The following HS2ST1 variants were observed in gnomAD, a reference collection of about 807,000 sequenced individuals.
HS2ST1 encodes the protein heparan sulfate 2-O-sulfotransferase 1.
Under a neutral mutation model 42.9 loss-of-function variants are expected in HS2ST1, and 18 were observed. The ratio of observed to expected loss-of-function variants is 0.42; its 90% CI spans 0.29 to 0.62. HS2ST1 has a LOEUF of 0.62. Ranked by LOEUF, HS2ST1 falls within the 20% of genes least tolerant of loss-of-function variation. The pLI, the probability that HS2ST1 is intolerant of heterozygous loss-of-function variation, is 0.21. For synonymous variants in HS2ST1, 146 were observed against 152.9 expected (o/e 0.95, Z 0.33); for missense variants, 334 against 433.8 (o/e 0.77, Z 2.04).
chr1:87,000,691 C>T (rs892476585), intron 1 of HS2ST1, among the ~76,000 whole-genome samples: 3 of 152,174 alleles, frequency 2.0e-5, no homozygotes, highest in African/African-American at 4.8e-5. Context: ...CAGTTTCACT[C>T]TATGCATGTT....
intron 1 of HS2ST1, among the ~76,000 whole-genome samples, chr1:86,994,502 T>C (rs1649042983): frequency 6.6e-6 from 1 of 152,192 alleles, no homozygotes. Flanking sequence ...TTACTTGTGA[T>C]CAGAGCTGTA....
At chr1:86,924,052 C>G (rs1660360576) in intron 1 of HS2ST1, among the ~76,000 whole-genome samples, 1 of 152,296 alleles carries the variant, frequency 6.6e-6, no homozygotes, top group Non-Finnish European at 1.5e-5. Context: ...TTAGTTACTT[C>G]CTAGATACAT....
rs567170248 is a variant in HS2ST1, at chr1:87,079,946, G to A, written c.364-4248G>A. Among the ~76,000 whole-genome samples, 17 of 152,170 alleles carry A rather than the reference G, an allele frequency of 1.1e-4. No individual in the cohort carries two copies. In the South Asian group the frequency reaches 3.3e-3, roughly 30 times the overall value. ...TCCTGCAGTGCTGGCTACTTGGGAG[G>A]CTGAGGTGGGAGGACCACTTGAGCC... is the stretch of plus-strand genomic sequence containing the variant. On this transcript the variant is annotated intron_variant, in intron 2 of 6. Coordinates refer to ENST00000370550, the MANE Select transcript of HS2ST1 (RefSeq NM_012262.4).
chr1:87,043,073 G>T (rs1650560526), intron 1 of HS2ST1, among the ~76,000 whole-genome samples: 1 of 152,026 alleles, frequency 6.6e-6, no homozygotes, highest in South Asian at 2.1e-4. Context: ...GACACATCTG[G>T]TATAGGAGAC....
chr1:86,997,847 A>G (rs1186181506), intron 1 of HS2ST1, among the ~76,000 whole-genome samples: 1 of 152,200 alleles, frequency 6.6e-6, no homozygotes, highest in South Asian at 2.1e-4. Flanking sequence ...ATTTCATCAC[A>G]CTACTCAAAA....
intron 1 of HS2ST1, among the ~76,000 whole-genome samples, chr1:86,985,499 CAT>C (rs1648750808): frequency 1.4e-5 from 1 of 73,452 alleles, no homozygotes; most frequent in African/African-American, 4.2e-5. Context: ...TATATATACA[CAT>C]ATATACACAT....
At chr1:86,970,017 C>T (rs1557498597) in intron 1 of HS2ST1, among the ~76,000 whole-genome samples, 1 of 151,296 alleles carries the variant, frequency 6.6e-6, no homozygotes, top group Non-Finnish European at 1.5e-5. Flanking sequence ...CCCAGCTACT[C>T]GGGGGGCTGA....
chr1:86,925,743 AG>A lies in HS2ST1; in HGVS notation c.124+10584del, dbSNP rs1250594429. Among the ~76,000 whole-genome samples the A allele has an allele frequency of 2.0e-5, 3 of 152,340 alleles. No individual in the cohort carries two copies. In the East Asian group the frequency reaches 5.8e-4, roughly 29 times the overall value. On this transcript the variant is annotated intron_variant, in intron 1 of 6. Coordinates refer to ENST00000370550, the MANE Select transcript of HS2ST1 (RefSeq NM_012262.4). ...CAACATGAGATTTGGGTGGGGACAC[AG>A]CCAAACCATATCACATGCTTTTCCT...
chr1:86,976,397 G>C (rs971335126), intron 1 of HS2ST1, among the ~76,000 whole-genome samples: 2 of 152,094 alleles, frequency 1.3e-5, no homozygotes, highest in Non-Finnish European at 2.9e-5. Flanking sequence ...TGTTCTGTTG[G>C]AAAGCTTATA....
intron 6 of HS2ST1, among the ~76,000 whole-genome samples, chr1:87,104,149 A>G (rs1347213442): frequency 1.3e-5 from 2 of 152,174 alleles, no homozygotes; most frequent in African/African-American, 4.8e-5. Context: ...TATTTTATCA[A>G]AAATAAACTA....
intron 1 of HS2ST1, among the ~76,000 whole-genome samples, chr1:87,070,748 G>A (rs941094360): frequency 6.6e-6 from 1 of 152,066 alleles, no homozygotes; most frequent in African/African-American, 2.4e-5. Context: ...TATGGTATGT[G>A]CTTCTTTAAA....
intron 1 of HS2ST1, among the ~76,000 whole-genome samples, chr1:86,931,601 T>A (rs902565117): frequency 6.6e-6 from 1 of 152,072 alleles, no homozygotes; most frequent in Non-Finnish European, 1.5e-5. Context: ...AGATGAGGCA[T>A]CTAGTGATAA....
intron 1 of HS2ST1, among the ~76,000 whole-genome samples, chr1:87,034,754 A>G (rs982563661): frequency 6.6e-6 from 1 of 152,204 alleles, no homozygotes. Context: ...ATCTTTATAA[A>G]ATTAAAGAGC....
chr1:87,098,525 G>GA (rs999424536), intron 5 of HS2ST1: 1 of 276,520 alleles, frequency 3.6e-6, no homozygotes, highest in African/African-American at 2.3e-5. Flanking sequence ...AGAAGTAGGA[G>GA]AAAAAAGGAA....
intron 1 of HS2ST1, among the ~76,000 whole-genome samples, chr1:86,915,931 A>G (rs2102147022): frequency 6.6e-6 from 1 of 152,280 alleles, no homozygotes; most frequent in East Asian, 1.9e-4. Context: ...CTGAAGGGGA[A>G]TTATGTAGTG....
chr1:87,051,894 A>G (rs1309116275), intron 1 of HS2ST1, among the ~76,000 whole-genome samples: 1 of 152,264 alleles, frequency 6.6e-6, no homozygotes, highest in Non-Finnish European at 1.5e-5. Flanking sequence ...TTAAAGATTC[A>G]TGAAAAATAC....
chr1:86,967,079 T>TG (rs779283102), intron 1 of HS2ST1, among the ~76,000 whole-genome samples: 37 of 152,106 alleles, frequency 2.4e-4, no homozygotes, highest in Non-Finnish European at 4.6e-4. Context: ...TTAGTAGAGA[T>TG]GGGGTTTCTC....
At chr1:86,982,327 T>G (rs1044573666) in intron 1 of HS2ST1, among the ~76,000 whole-genome samples, 9 of 152,232 alleles carry the variant, frequency 5.9e-5, no homozygotes, top group African/African-American at 2.2e-4. Flanking sequence ...ATTTGGCTCC[T>G]TATTACTTAC....
intron 1 of HS2ST1, among the ~76,000 whole-genome samples, chr1:86,950,915 G>A (rs1478016936): frequency 6.6e-6 from 1 of 151,962 alleles, no homozygotes; most frequent in South Asian, 2.1e-4. Context: ...CCCTCTTTCC[G>A]GCTACATGAT....
Sources: allele counts gnomAD v4.1 joint callset (sites outside exome capture counted in the v4.1 genomes callset), GRCh38; gene constraint gnomAD v4.1.1; transcripts MANE v1.5; gene names NCBI Gene and HGNC (gene_info 2026-07-23, HGNC 2026-07-21).